The following PCDHGA2 variants were observed in gnomAD, a reference collection of about 807,000 sequenced individuals.
PCDHGA2 encodes protocadherin gamma-A2.
A neutral mutation model predicts 59.2 loss-of-function variants in PCDHGA2; 40 were observed. The ratio of observed to expected loss-of-function variants is 0.68; its 90% CI spans 0.52 to 0.88. The LOEUF (loss-of-function observed/expected upper bound fraction) is 0.88. Ranked by LOEUF, PCDHGA2 falls within the 40% of genes least tolerant of loss-of-function variation. The pLI, the probability that PCDHGA2 is intolerant of heterozygous loss-of-function variation, is 0.00. For missense variants in PCDHGA2, 1,226 were observed against 1,204.0 expected (o/e 1.02, Z -0.27); for synonymous variants, 560 against 526.0 (o/e 1.06, Z -0.89).
At chr5:141,435,008 A>G (rs961813777) in intron 1 of PCDHGA2, among the ~76,000 whole-genome samples, 3 of 152,130 alleles carry the variant, frequency 2.0e-5, no homozygotes, top group African/African-American at 7.2e-5. Context: ...GAATTTATCA[A>G]TGATAATGCT....
At chr5:141,508,324 G>A (rs1668975090) in intron 3 of PCDHGA2, 1 of 151,252 alleles carries the variant, frequency 6.6e-6, no homozygotes, top group African/African-American at 2.4e-5. Flanking sequence ...GAGGGGCACT[G>A]GAGAACTGAC....
chr5:141,399,744 C>G (rs544697703), intron 1 of PCDHGA2: 1 of 1,613,320 alleles, frequency 6.2e-7, no homozygotes, highest in African/African-American at 1.3e-5. Context: ...CTGCGCTCAG[C>G]GCAAACGTGA....
At chr5:141,359,184 A>G (rs984361928) in intron 1 of PCDHGA2, among the ~76,000 whole-genome samples, 1 of 152,202 alleles carries the variant, frequency 6.6e-6, no homozygotes, top group Non-Finnish European at 1.5e-5. Flanking sequence ...AGCAGAAAGC[A>G]GAAATAACAA....
rs2099427993 is a variant in PCDHGA2, at chr5:141,477,978, T to C, written c.2425-16829T>C. Reference sequence around the variant, plus strand: ...TCCCCTAACCAGAGCCTTTTTGCCATAGGGCTGCACACTGGTCAAATCAGT... The same window carrying C: ...TCCCCTAACCAGAGCCTTTTTGCCACAGGGCTGCACACTGGTCAAATCAGT... On this transcript the variant is annotated intron_variant, in intron 1 of 3. Coordinates refer to ENST00000394576, the MANE Select transcript of PCDHGA2 (RefSeq NM_018915.4). This position sits in a 1 kb window ranked among gnomAD's most constrained non-coding sequence, Gnocchi z 4.9. 6.2e-7 allele frequency: 1 copy of C among 1,614,120 alleles called. No individual in the cohort carries two copies. Among genetic ancestry groups the C allele is most frequent in the Non-Finnish European group, 8.5e-7 (1 of 1,180,022 alleles).
At position 141,363,638 on chromosome 5, in the gene PCDHGA2, C is replaced by A. The variant is rs116516403; in HGVS notation, c.2424+22243C>A. ...TGGAGAGACTTTCTCAAAGTCCTCA[C>A]AAGTAACAAAGATCTTTATTTCTTC... On this transcript the variant is annotated intron_variant, in intron 1 of 3. Coordinates refer to ENST00000394576, the MANE Select transcript of PCDHGA2 (RefSeq NM_018915.4). 6.6e-4 allele frequency among the ~76,000 whole-genome samples: 101 copies of A among 152,308 alleles called. 1 individual carries two copies. The highest frequency in any genetic ancestry group is 2.4e-3 in the African/African-American group (100 of 41,570).
chr5:141,371,726 T>C (rs769173416), intron 1 of PCDHGA2: 1 of 1,614,050 alleles, frequency 6.2e-7, no homozygotes, highest in Non-Finnish European at 8.5e-7. Flanking sequence ...ACATCCTTGA[T>C]GTCAACGACA....
At chr5:141,409,904 G>A in intron 1 of PCDHGA2, 3 of 1,613,278 alleles carry the variant, frequency 1.9e-6, no homozygotes, top group Non-Finnish European at 2.5e-6. Flanking sequence ...CCCAGCTCTG[G>A]GTCCTGACGG....
chr5:141,350,785 C>T, intron 1 of PCDHGA2: 1 of 1,613,294 alleles, frequency 6.2e-7, no homozygotes, highest in Non-Finnish European at 8.5e-7. Flanking sequence ...ATCAATACTT[C>T]TCTCTGTCAA....
chr5:141,340,863 C>G lies in PCDHGA2; in HGVS notation c.1892C>G (p.Ala631Gly). 6.2e-7 allele frequency: 1 copy of G among 1,613,622 alleles called. No individual in the cohort carries two copies. Among genetic ancestry groups the G allele is most frequent in the Non-Finnish European group, 8.5e-7 (1 of 1,179,910 alleles). The change falls in exon 1 of 4, where the codon GCC becomes GGC. Residue 631 changes from alanine (A) to glycine (G), a missense_variant. By Grantham distance (60) the Ala-to-Gly change is moderately conservative. Coordinates refer to ENST00000394576, the MANE Select transcript of PCDHGA2 (RefSeq NM_018915.4). ...LHTGEVRTARALLDRDALKQS... is the reference protein window; with the variant it reads ...LHTGEVRTARGLLDRDALKQS... The stretch of plus-strand genomic sequence containing the variant: ...ACGGGCGAGGTGCGCACGGCGCGAG[C>G]CCTGCTGGACAGAGACGCGCTCAAG...
At chr5:141,450,786 C>A (rs1468388706) in intron 1 of PCDHGA2, among the ~76,000 whole-genome samples, 1 of 151,020 alleles carries the variant, frequency 6.6e-6, no homozygotes, top group Admixed American at 6.6e-5. Flanking sequence ...CGTGCCCGGA[C>A]CTCATGATTG....
intron 1 of PCDHGA2, chr5:141,404,904 AG>A: frequency 3.1e-6 from 5 of 1,613,864 alleles, no homozygotes; most frequent in Non-Finnish European, 4.2e-6. Flanking sequence ...GACCATGGCC[AG>A]CCCCCTCTCT....
intron 1 of PCDHGA2, chr5:141,355,944 C>A: frequency 6.2e-7 from 1 of 1,613,864 alleles, no homozygotes; most frequent in Non-Finnish European, 8.5e-7. Context: ...CCGAGTACCA[C>A]GTAAGTGTTC....
intron 1 of PCDHGA2, chr5:141,412,147 G>C (rs1447265509): frequency 6.6e-6 from 1 of 152,176 alleles, no homozygotes; most frequent in East Asian, 1.9e-4. Context: ...GATACAAACT[G>C]CCTAAGAGAA....
At chr5:141,369,130 A>G (rs1214670751) in intron 1 of PCDHGA2, among the ~76,000 whole-genome samples, 1 of 152,246 alleles carries the variant, frequency 6.6e-6, no homozygotes, top group Non-Finnish European at 1.5e-5. Context: ...CCTGTCAGAA[A>G]CATGGAAAAT....
intron 2 of PCDHGA2, among the ~76,000 whole-genome samples, chr5:141,498,421 A>C (rs1328848787): frequency 6.6e-6 from 1 of 152,016 alleles, no homozygotes; most frequent in Non-Finnish European, 1.5e-5. Flanking sequence ...CTGGCACTGG[A>C]GTGAGGGGAT....
intron 1 of PCDHGA2, among the ~76,000 whole-genome samples, chr5:141,474,379 T>A (rs1451968368): frequency 6.6e-6 from 1 of 152,208 alleles, no homozygotes; most frequent in Non-Finnish European, 1.5e-5. Flanking sequence ...GAGGAGGGCA[T>A]TTCTGCATTT....
intron 1 of PCDHGA2, chr5:141,412,079 T>C (rs148830663): frequency 3.3e-4 from 50 of 152,342 alleles, no homozygotes; most frequent in African/African-American, 1.1e-3. Context: ...GAACAATTGC[T>C]ACTGGGTTGA....
Position 141,385,102 on chromosome 5 carries a change from G to A in PCDHGA2, c.2424+43707G>A, listed in dbSNP as rs370391349. On this transcript the variant is annotated intron_variant, in intron 1 of 3. Transcript: ENST00000394576. ...GGCTTCAGAAGGTGGCTTGGCGAAC[G>A]TGCCCACCTCGCACTTTGTGGGCAT... 6 of 1,614,174 alleles carry A rather than the reference G, an allele frequency of 3.7e-6. No homozygotes were observed. The East Asian group carries it at 6.7e-5, about 18-fold the overall frequency.
At chr5:141,366,562 T>C (rs767375100) in intron 1 of PCDHGA2, 21 of 1,614,112 alleles carry the variant, frequency 1.3e-5, no homozygotes, top group Non-Finnish European at 1.7e-5. Flanking sequence ...TGGGCGTGGA[T>C]GGGGTTCGGG....
Sources: allele counts gnomAD v4.1 joint callset (sites outside exome capture counted in the v4.1 genomes callset), GRCh38; gene constraint gnomAD v4.1.1; non-coding constraint Gnocchi (gnomAD v3.1); transcripts MANE v1.5; gene names NCBI Gene and HGNC (gene_info 2026-07-23, HGNC 2026-07-21).